The following C9orf78 variants were observed in gnomAD, a reference collection of about 807,000 sequenced individuals.
C9orf78 encodes the protein splicing factor C9orf78.
A neutral mutation model predicts 37.4 loss-of-function variants in C9orf78; 19 were observed. The observed-to-expected ratio is 0.51, with a 90% CI of 0.35 to 0.74. The LOEUF is 0.74. Among genes scored for constraint, C9orf78 ranks in the 30% least tolerant of loss-of-function variants. C9orf78 has a pLI of 0.01. For missense variants in C9orf78, 291 were observed against 370.8 expected (o/e 0.78, Z 1.77); for synonymous variants, 130 against 128.0 (o/e 1.02, Z -0.10).
In C9orf78 at chr9:129,835,216, C is replaced by G; in HGVS notation, c.6G>C (p.Pro2=). The G allele has an allele frequency of 1.2e-6, 2 of 1,608,548 alleles. No individual in the cohort carries two copies. Among genetic ancestry groups the G allele is most frequent in the Non-Finnish European group, 8.5e-7 (1 of 1,178,328 alleles). Residue 2 remains proline, a synonymous_variant, in exon 1 of 9, where the codon CCG becomes CCC. Coordinates refer to ENST00000372447, the MANE Select transcript of C9orf78 (RefSeq NM_016520.3). M[P]VVRKIFRRRR... is the part of the protein sequence containing the mutation. Reference sequence around the variant, plus strand: ...GGCGACGGAAAATCTTCCGGACGACCGGCATGGTGACAACGGCCGAGTTGT... The same window carrying G: ...GGCGACGGAAAATCTTCCGGACGACGGGCATGGTGACAACGGCCGAGTTGT...
In C9orf78 at chr9:129,830,996, T is replaced by C; in HGVS notation, c.417A>G (p.Pro139=). 6.2e-7 allele frequency: 1 copy of C among 1,613,274 alleles called. No individual in the cohort carries two copies. Among genetic ancestry groups the C allele is most frequent in the East Asian group, 2.2e-5 (1 of 44,884 alleles). Residue 139 remains proline (P), a synonymous_variant, in exon 6 of 9, where the codon CCA becomes CCG. Coordinates refer to ENST00000372447, the MANE Select transcript of C9orf78 (RefSeq NM_016520.3). ...CATAAAGACAGTCCTCTGCATTCTTTGGCTTAACTTTCTGTTCCTCATGTT... is the reference window on the plus strand; with the variant it reads ...CATAAAGACAGTCCTCTGCATTCTTCGGCTTAACTTTCTGTTCCTCATGTT... ...IVEHEEQKVK[P]KNAEDCLYEL... is the part of the protein sequence containing the mutation.
At chr9:129,829,661 C>T in intron 6 of C9orf78, 120 bp from the exon 7 acceptor site, 4 of 810,208 alleles carry the variant, frequency 4.9e-6, no homozygotes, top group Non-Finnish European at 6.0e-6. Context: ...GGGCACAGCT[C>T]TCCACTTTAT....
chr9:129,833,217 A>T (rs1168823020), intron 4 of C9orf78, among the ~76,000 whole-genome samples: 4 of 151,684 alleles, frequency 2.6e-5, no homozygotes, highest in South Asian at 2.1e-4. Flanking sequence ...GGCATGAGTC[A>T]TCACGCCTAC....
At chr9:129,832,085 G>C in intron 4 of C9orf78, 112 bp from the exon 5 acceptor site, 1 of 577,772 alleles carries the variant, frequency 1.7e-6, no homozygotes, top group Non-Finnish European at 3.1e-6. Context: ...CCTATTTACA[G>C]TTGGCAAAAA....
chr9:129,833,873 G>A, intron 2 of C9orf78, 164 bp from the exon 3 acceptor site: 1 of 612,418 alleles, frequency 1.6e-6, no homozygotes, highest in African/African-American at 1.8e-5. Flanking sequence ...CATAAGACAG[G>A]GCTCAACGAG....
chr9:129,832,889 A>G (rs2031536872), intron 4 of C9orf78, among the ~76,000 whole-genome samples: 1 of 152,052 alleles, frequency 6.6e-6, no homozygotes, highest in African/African-American at 2.4e-5. Flanking sequence ...TCCCTGACTC[A>G]AGTGATTCTC....
intron 4 of C9orf78, among the ~76,000 whole-genome samples, 183 bp downstream of exon 4, chr9:129,833,264 C>G (rs114462223): frequency 0.042 from 6,311 of 151,962 alleles, 450 homozygotes; most frequent in African/African-American, 0.14. Context: ...CAACTTGGCT[C>G]TAAGTTAACT....
intron 2 of C9orf78, chr9:129,834,256 TGA>T: frequency 6.1e-5 from 11 of 181,620 alleles, no homozygotes; most frequent in South Asian, 2.4e-4. Context: ...GTTCACAATC[TGA>T]GAGAGAGAGA....
At position 129,829,538 on chromosome 9, in the gene C9orf78, A is replaced by T; in HGVS notation, c.546T>A (p.Ala182=). 1 of 1,613,038 alleles carries T rather than the reference A, an allele frequency of 6.2e-7. No homozygotes were observed. The highest frequency in any genetic ancestry group is 8.5e-7 in the Non-Finnish European group (1 of 1,179,268). ...GIPEVDLGID[A]KIKNIISTED... ...CCGTGGAAATGATATTTTTTATTTT[A>T]GCACTATGGAGAGAAAGAAACCACA... Residue 182 remains alanine (A), a synonymous_variant, in exon 7 of 9, where the codon GCT becomes GCA. Transcript: ENST00000372447.
chr9:129,828,970 TGAGA>T, intron 8 of C9orf78: 1 of 612,024 alleles, frequency 1.6e-6, no homozygotes, highest in Middle Eastern at 2.6e-4. Context: ...CGTGAGAATA[TGAGA>T]GAGTATGAAT....
intron 1 of C9orf78, 155 bp from the exon 2 acceptor site, chr9:129,834,921 A>T: frequency 1.5e-6 from 1 of 689,150 alleles, no homozygotes. Flanking sequence ...GCCTAGACCC[A>T]CCGGGAGTCA....
intron 4 of C9orf78, among the ~76,000 whole-genome samples, chr9:129,832,682 G>A (rs1015562214): frequency 2.0e-5 from 3 of 152,114 alleles, no homozygotes; most frequent in Admixed American, 6.6e-5. Flanking sequence ...CAGGTAATCC[G>A]CCTGCCTCAG....
At chr9:129,832,995 A>G (rs751086404) in intron 4 of C9orf78, among the ~76,000 whole-genome samples, 2 of 141,570 alleles carry the variant, frequency 1.4e-5, no homozygotes, top group Admixed American at 7.1e-5. Context: ...GTATATATAT[A>G]TATGTGTGTG....
intron 4 of C9orf78, among the ~76,000 whole-genome samples, chr9:129,832,962 C>G (rs2031539133): frequency 6.6e-6 from 1 of 151,426 alleles, no homozygotes; most frequent in African/African-American, 2.4e-5. Flanking sequence ...GATATATACA[C>G]ACACATATAT....
rs1308792652 is a variant in C9orf78, at chr9:129,828,158, AACTCAGT to A, written c.866_*2del. 3 of 1,538,870 alleles carry A rather than the reference AACTCAGT, an allele frequency of 1.9e-6. No individual in the cohort carries two copies. Among genetic ancestry groups the A allele is most frequent in the Non-Finnish European group, 2.7e-6 (3 of 1,113,148 alleles). On this transcript the variant is annotated stop_lost and 3_prime_UTR_variant, in exon 9 of 9. Transcript: ENST00000372447. The stretch of plus-strand genomic sequence containing the variant: ...GCGATATTTACATCCCACTCTGCAC[AACTCAGT>A]ACCGCCTATTCATTTTCTTGAACTT...
chr9:129,829,724 C>T (rs761409355), intron 6 of C9orf78, 183 bp from the exon 7 acceptor site: 30 of 567,912 alleles, frequency 5.3e-5, no homozygotes, highest in African/African-American at 7.5e-5. Flanking sequence ...GTCGGAGAAC[C>T]ACAGTTACTC....
rs1344626868 is a variant in C9orf78 at position 129,828,225 on chromosome 9, G to T, written c.806C>A (p.Ala269Asp). The change falls in exon 9 of 9, where the codon GCT becomes GAT. Residue 269 changes from alanine (A) to aspartate (D), a missense_variant. Around this residue, in one of 3 missense-constraint regions of C9orf78, gnomAD observed 120 missense variants for 148.7 expected, o/e 0.81. Transcript: ENST00000372447. ...ATAGTCATCAGTTGCCTTCTCGTTA[G>T]CAGGACGCTTGCGGTTAGGAGGGGA... ...ERSPPNRKRP[A>D]NEKATDDYHY... 1 of 1,606,754 alleles carries T rather than the reference G, an allele frequency of 6.2e-7. No homozygotes were observed. The highest frequency in any genetic ancestry group is 8.5e-7 in the Non-Finnish European group (1 of 1,174,284).
In C9orf78 at chr9:129,831,100, G is replaced by A. The variant is rs186632248; in HGVS notation, c.345-32C>T. 4.9e-3 allele frequency: 7,137 copies of A among 1,444,178 alleles called. 25 individuals carry two copies. Among genetic ancestry groups the A allele is most frequent in the Non-Finnish European group, 6.1e-3 (6,220 of 1,026,666 alleles). The allele number at this position is 1,444,178 out of a possible 1,614,324, so 89.5% of individuals were successfully genotyped here. A position where few individuals can be genotyped will look rare whatever the true frequency, so the allele number is the denominator to read the frequency against. ...TGAGAAACCCAGAGGCCTCAGGGAG[G>A]GGTGGGAAACACACACCAGGTGTCC... is the stretch of plus-strand genomic sequence containing the variant. On this transcript the variant is annotated intron_variant, in intron 5 of 8. Transcript: ENST00000372447.
At chr9:129,834,038 T>A in intron 2 of C9orf78, 1 of 311,348 alleles carries the variant, frequency 3.2e-6, no homozygotes, top group Non-Finnish European at 6.0e-6. Context: ...TAAGAGAATA[T>A]CCACTGCAGC....
Sources: allele counts gnomAD v4.1 joint callset (sites outside exome capture counted in the v4.1 genomes callset), GRCh38; gene constraint gnomAD v4.1.1; regional missense constraint gnomAD v4.1.1; transcripts MANE v1.5; gene names NCBI Gene and HGNC (gene_info 2026-07-23, HGNC 2026-07-21).